The following PTPRN2 variants were observed in gnomAD, a reference collection of about 807,000 sequenced individuals.
PTPRN2 encodes protein tyrosine phosphatase receptor type N2.
In PTPRN2, 74 loss-of-function variants were observed where a neutral mutation model predicts 118.8. The observed-to-expected ratio is 0.62, with a 90% confidence interval of 0.52 to 0.76. The LOEUF (loss-of-function observed/expected upper bound fraction) is 0.76, where lower values mean the gene tolerates loss of function less well. PTPRN2 is among the 30% of genes least tolerant of loss of function. The pLI is 0.00. For synonymous variants in PTPRN2, 641 were observed against 608.0 expected (o/e 1.05, Z -0.80); for missense variants, 1,481 against 1,394.4 (o/e 1.06, Z -0.99).
chr7:158,231,072 G>C (rs920738118), intron 3 of PTPRN2, among the ~76,000 whole-genome samples: 4 of 152,178 alleles, frequency 2.6e-5, no homozygotes, highest in African/African-American at 9.7e-5. Flanking sequence ...TTCAAGGCCA[G>C]CCTGGGCAAT....
At chr7:158,213,246 GTGT>G (rs1563611699) in intron 3 of PTPRN2, among the ~76,000 whole-genome samples, 3 of 150,664 alleles carry the variant, frequency 2.0e-5, no homozygotes, top group African/African-American at 7.4e-5. Context: ...GTGTGTGTGT[GTGT>G]GTGGCGTAGG....
At chr7:158,584,236 C>G (rs1828798968) in intron 1 of PTPRN2, among the ~76,000 whole-genome samples, 1 of 152,180 alleles carries the variant, frequency 6.6e-6, no homozygotes, top group Non-Finnish European at 1.5e-5. Flanking sequence ...CTTTATAAAA[C>G]TGCCCCCCTA....
intron 11 of PTPRN2, among the ~76,000 whole-genome samples, chr7:158,035,024 C>T (rs1484972525): frequency 6.6e-6 from 1 of 152,246 alleles, no homozygotes; most frequent in African/African-American, 2.4e-5. Flanking sequence ...TTCTTCCAGG[C>T]TCACTCTCCA....
chr7:157,734,353 A>T (rs914382292), intron 12 of PTPRN2, among the ~76,000 whole-genome samples: 3 of 151,770 alleles, frequency 2.0e-5, no homozygotes, highest in Non-Finnish European at 2.9e-5. Context: ...CATTCCATGC[A>T]CCCAGCACAG....
chr7:158,068,439 C>T (rs559029871), intron 11 of PTPRN2, among the ~76,000 whole-genome samples: 1 of 152,338 alleles, frequency 6.6e-6, no homozygotes, highest in South Asian at 2.1e-4. Context: ...GAGGTGGGTG[C>T]CCAGCACCAC....
intron 5 of PTPRN2, among the ~76,000 whole-genome samples, chr7:158,178,929 T>C (rs931156258): frequency 6.6e-6 from 1 of 152,184 alleles, no homozygotes; most frequent in Non-Finnish European, 1.5e-5. Flanking sequence ...TTAGACTGGT[T>C]CCATATCTTT....
chr7:158,289,731 G>T (rs1178321639), intron 3 of PTPRN2, among the ~76,000 whole-genome samples: 1 of 151,000 alleles, frequency 6.6e-6, no homozygotes, highest in African/African-American at 2.5e-5. Flanking sequence ...TTTCATGTTT[G>T]TTGTTGTTGT....
chr7:158,245,525 T>C (rs1368273420), intron 3 of PTPRN2, among the ~76,000 whole-genome samples: 1 of 152,126 alleles, frequency 6.6e-6, no homozygotes, highest in African/African-American at 2.4e-5. Flanking sequence ...CCAGGGGCCT[T>C]TCATCCGAGC....
intron 10 of PTPRN2, among the ~76,000 whole-genome samples, chr7:158,100,854 C>T (rs1470333172): frequency 6.6e-6 from 1 of 152,112 alleles, no homozygotes; most frequent in Non-Finnish European, 1.5e-5. Flanking sequence ...TGTCTGTATA[C>T]TGCTGAAAGA....
Position 158,521,659 on chromosome 7 carries a change from TGCTGGCTCGGGAGGGAGGTCC to T in PTPRN2, c.113-31895_113-31875del, listed in dbSNP as rs1563387697. On this transcript the variant is annotated intron_variant, in intron 1 of 22. Coordinates refer to ENST00000389418, the MANE Select transcript of PTPRN2 (RefSeq NM_002847.5). The stretch of plus-strand genomic sequence containing the variant: ...ACGTCACAATGGTGGACTGTCCAGG[TGCTGGCTCGGGAGGGAGGTCC>T]ACGTCACAATGGTGGACTGTCCAGG... Among the ~76,000 whole-genome samples the T allele has an allele frequency of 1.8e-4, 16 of 91,402 alleles. 1 individual carries two copies. The highest frequency in any genetic ancestry group is 6.8e-4 in the African/African-American group (12 of 17,696). The allele number at this position is 91,402 out of a possible 152,430, so 60.0% of individuals were successfully genotyped here.
chr7:158,285,293 C>G (rs1799696242), intron 3 of PTPRN2, among the ~76,000 whole-genome samples: 1 of 152,168 alleles, frequency 6.6e-6, no homozygotes, highest in African/African-American at 2.4e-5. Context: ...TATGTAGGGA[C>G]AGGAGAAGGT....
intron 12 of PTPRN2, among the ~76,000 whole-genome samples, chr7:157,819,777 C>T (rs545196092): frequency 6.6e-6 from 1 of 152,232 alleles, no homozygotes; most frequent in East Asian, 1.9e-4. Context: ...GCCATGGGCA[C>T]ACACACAATA....
chr7:158,171,236 T>TACAC lies in PTPRN2; in HGVS notation c.550-3946_550-3945insGTGT, dbSNP rs1563555136. Among the ~76,000 whole-genome samples the TACAC allele has an allele frequency of 1.6e-3, 217 of 135,758 alleles. 20 individuals carry two copies. Among genetic ancestry groups the TACAC allele is most frequent in the African/African-American group, 5.8e-3 (189 of 32,772 alleles). 89.1% of individuals were successfully genotyped at this position (135,758 alleles called of 152,430 possible). ...ATACACACATATATACACACATATA[T>TACAC]ATACACATATATACACACATATATA... On this transcript the variant is annotated intron_variant, in intron 5 of 22. Transcript: ENST00000389418.
intron 3 of PTPRN2, among the ~76,000 whole-genome samples, chr7:158,248,328 C>G (rs1448693364): frequency 6.6e-6 from 1 of 152,196 alleles, no homozygotes; most frequent in Non-Finnish European, 1.5e-5. Context: ...CTGCGTACCC[C>G]AAGATGCAGC....
chr7:158,441,557 T>TGGC, intron 2 of PTPRN2, among the ~76,000 whole-genome samples: 1 of 150,276 alleles, frequency 6.7e-6, no homozygotes, highest in African/African-American at 2.5e-5. Context: ...ATGGCAGTGA[T>TGGC]AGTGATAGTG....
At chr7:158,104,002 C>T (rs903285749) in intron 10 of PTPRN2, among the ~76,000 whole-genome samples, 10 of 152,100 alleles carry the variant, frequency 6.6e-5, no homozygotes, top group Admixed American at 5.9e-4. Context: ...GCTGGGATTA[C>T]AGGCACCTGC....
chr7:158,022,755 A>G lies in PTPRN2; in HGVS notation c.1723+58543T>C, dbSNP rs1366738780. ...TGCCCACGCCAGAAGGCTTTCCCCC[A>G]CGGAGGCTTCCGCCATGAGTCTGGA... On this transcript the variant is annotated intron_variant, in intron 11 of 22. Transcript: ENST00000389418. This position sits in a 1 kb window ranked among gnomAD's most constrained non-coding sequence, Gnocchi z 4.6. Among the ~76,000 whole-genome samples, 1 of 152,292 alleles carries G rather than the reference A, an allele frequency of 6.6e-6. No homozygotes were observed. The highest frequency in any genetic ancestry group is 1.5e-5 in the Non-Finnish European group (1 of 68,052).
At chr7:157,909,870 A>G (rs10226846) in intron 11 of PTPRN2, among the ~76,000 whole-genome samples, 22,524 of 152,282 alleles carry the variant, frequency 0.15, 1,865 homozygotes, top group Middle Eastern at 0.18. Flanking sequence ...AGAGGACCTC[A>G]ACGATTATCT....
chr7:157,779,830 T>TG lies in PTPRN2; in HGVS notation c.1789-96894dup, dbSNP rs536867595. On this transcript the variant is annotated intron_variant, in intron 12 of 22. Transcript: ENST00000389418. The surrounding 1 kb of genome is among the most constrained non-coding windows in gnomAD (Gnocchi z 4.7). ...GAGTGCTGGGTGATTTCATTCTCCC[T>TG]GGTTGCTGAAAATGAGCAGTGTGTG... is the stretch of plus-strand genomic sequence containing the variant. Among the ~76,000 whole-genome samples the TG allele has an allele frequency of 4.7e-4, 71 of 152,266 alleles. No individual in the cohort carries two copies. The highest frequency in any genetic ancestry group is 1.7e-3 in the African/African-American group (70 of 41,556).
Sources: allele counts gnomAD v4.1 joint callset (sites outside exome capture counted in the v4.1 genomes callset), GRCh38; gene constraint gnomAD v4.1.1; non-coding constraint Gnocchi (gnomAD v3.1); transcripts MANE v1.5; gene names NCBI Gene and HGNC (gene_info 2026-07-23, HGNC 2026-07-21).